The following UVRAG variants were observed in gnomAD, a reference collection of about 807,000 sequenced individuals.
UVRAG encodes UV radiation resistance-associated gene protein.
UVRAG carries 19 observed loss-of-function variants against 78.0 expected under a neutral mutation model. The observed-to-expected ratio is 0.24, with a 90% CI of 0.17 to 0.36. The LOEUF (loss-of-function observed/expected upper bound fraction) is 0.36, where lower values mean the gene tolerates loss of function less well. UVRAG is among the 10% of genes least tolerant of loss of function. UVRAG has a pLI of 1.00. For missense variants in UVRAG, 740 were observed against 853.8 expected (o/e 0.87, Z 1.66); for synonymous variants, 323 against 324.6 (o/e 1.00, Z 0.05).
intron 13 of UVRAG, among the ~76,000 whole-genome samples, chr11:76,104,330 A>C (rs928029494): frequency 6.6e-6 from 1 of 152,176 alleles, no homozygotes; most frequent in Non-Finnish European, 1.5e-5. Context: ...TACGAGTTCA[A>C]AGTGCTAGGA....
intron 12 of UVRAG, among the ~76,000 whole-genome samples, chr11:76,017,264 T>C (rs1218185059): frequency 6.6e-6 from 1 of 152,156 alleles, no homozygotes; most frequent in Non-Finnish European, 1.5e-5. Flanking sequence ...TGTCATATGA[T>C]CTACAAATAT....
At chr11:75,889,252 T>C (rs2134930896) in intron 5 of UVRAG, among the ~76,000 whole-genome samples, 1 of 152,348 alleles carries the variant, frequency 6.6e-6, no homozygotes, top group African/African-American at 2.4e-5. Flanking sequence ...TTTTATAACT[T>C]TCAATACATT....
chr11:76,115,879 A>G lies in UVRAG; in HGVS notation c.1306-45A>G, dbSNP rs537487451. 5.7e-6 allele frequency: 9 copies of G among 1,586,768 alleles called. No individual in the cohort carries two copies. In the African/African-American group the frequency reaches 1.1e-4, roughly 19 times the overall value. On this transcript the variant is annotated intron_variant, in intron 13 of 14. Transcript: ENST00000356136. Reference sequence around the variant, plus strand: ...TTAGTGGTTCATTTTTCCGAAGCTTATAATCTGCCAAAATATCTTTAATTC... The same window carrying G: ...TTAGTGGTTCATTTTTCCGAAGCTTGTAATCTGCCAAAATATCTTTAATTC...
At chr11:75,890,446 A>T (rs949973688) in intron 5 of UVRAG, among the ~76,000 whole-genome samples, 5 of 152,220 alleles carry the variant, frequency 3.3e-5, no homozygotes, top group African/African-American at 1.2e-4. Context: ...AGGCATAAGA[A>T]AAAGGAGGTG....
intron 12 of UVRAG, among the ~76,000 whole-genome samples, chr11:76,031,080 T>G (rs1950428965): frequency 6.6e-6 from 1 of 152,114 alleles, no homozygotes; most frequent in African/African-American, 2.4e-5. Flanking sequence ...TTTTTGCAAA[T>G]TCTATTAGGT....
chr11:76,037,428 C>T (rs962552390), intron 12 of UVRAG, among the ~76,000 whole-genome samples: 2 of 151,506 alleles, frequency 1.3e-5, no homozygotes, highest in Non-Finnish European at 2.9e-5. Flanking sequence ...CTCAGCAGGG[C>T]GCAGTGGCTC....
chr11:75,892,382 T>A (rs1947230503), intron 5 of UVRAG: 1 of 985,334 alleles, frequency 1.0e-6, no homozygotes, highest in African/African-American at 1.7e-5. Flanking sequence ...TGTGGGAACA[T>A]GGGAATGCAG....
intron 13 of UVRAG, among the ~76,000 whole-genome samples, chr11:76,088,519 A>G (rs1391033701): frequency 6.9e-6 from 1 of 144,440 alleles, no homozygotes; most frequent in Non-Finnish European, 1.5e-5. Flanking sequence ...TTGCAACAAG[A>G]CTCTTTTGCA....
At chr11:76,133,770 G>T (rs773785667) in intron 14 of UVRAG, among the ~76,000 whole-genome samples, 6 of 151,902 alleles carry the variant, frequency 3.9e-5, no homozygotes, top group Non-Finnish European at 5.9e-5. Context: ...TAAGCAGTAG[G>T]TAGATCATGA....
chr11:75,901,147 C>T (rs78533744), intron 5 of UVRAG, among the ~76,000 whole-genome samples: 12 of 152,278 alleles, frequency 7.9e-5, no homozygotes, highest in Non-Finnish European at 1.6e-4. Context: ...ACATATACAC[C>T]TAGGAACACA....
chr11:76,032,997 A>C (rs1489492131), intron 12 of UVRAG, among the ~76,000 whole-genome samples: 2 of 152,238 alleles, frequency 1.3e-5, no homozygotes, highest in Non-Finnish European at 2.9e-5. Context: ...CAAAGGATAG[A>C]AACCTATCTA....
At chr11:76,036,866 A>G (rs960036430) in intron 12 of UVRAG, among the ~76,000 whole-genome samples, 48 of 152,294 alleles carry the variant, frequency 3.2e-4, no homozygotes, top group African/African-American at 1.1e-3. Context: ...AGAAAAAAAT[A>G]TAAAATAACA....
intron 12 of UVRAG, among the ~76,000 whole-genome samples, chr11:76,035,973 A>G (rs907321875): frequency 1.3e-4 from 20 of 152,318 alleles, no homozygotes; most frequent in African/African-American, 3.8e-4. Flanking sequence ...AAGAAGTACA[A>G]TCTGATTTTA....
At chr11:75,903,284 T>C (rs1209550617) in intron 5 of UVRAG, among the ~76,000 whole-genome samples, 3 of 152,212 alleles carry the variant, frequency 2.0e-5, no homozygotes, top group Admixed American at 6.5e-5. Flanking sequence ...AATGTAGCTC[T>C]GATTATAACC....
chr11:75,825,031 A>G (rs1186786211), intron 1 of UVRAG, among the ~76,000 whole-genome samples: 1 of 152,134 alleles, frequency 6.6e-6, no homozygotes, highest in African/African-American at 2.4e-5. Flanking sequence ...GGTGTTTTAG[A>G]AAAAGACATC....
chr11:76,053,554 C>T (rs942366294), intron 12 of UVRAG, among the ~76,000 whole-genome samples: 1 of 152,172 alleles, frequency 6.6e-6, no homozygotes, highest in African/African-American at 2.4e-5. Flanking sequence ...GGAACCCTAA[C>T]CAAAACTGTT....
At chr11:76,074,790 C>G (rs1156471191) in intron 13 of UVRAG, among the ~76,000 whole-genome samples, 2 of 152,182 alleles carry the variant, frequency 1.3e-5, no homozygotes, top group Non-Finnish European at 2.9e-5. Context: ...AGACAATTAT[C>G]TGCATTTTAC....
At position 76,082,784 on chromosome 11, in the gene UVRAG, C is replaced by CT. The variant is rs370668063; in HGVS notation, c.1305+16999dup. Among the ~76,000 whole-genome samples the CT allele has an allele frequency of 3.7e-3, 558 of 152,238 alleles. 2 individuals are homozygous for CT. The highest frequency in any genetic ancestry group is 0.012 in the African/African-American group (518 of 41,530). On this transcript the variant is annotated intron_variant, in intron 13 of 14. Coordinates refer to ENST00000356136, the MANE Select transcript of UVRAG (RefSeq NM_003369.4). ...GTGGCTCATGCTTGTAATCCTAGCA[C>CT]TTTGGGAGACCGAGGCAGATGGATC...
chr11:76,136,569 T>G (rs2134509868), intron 14 of UVRAG, among the ~76,000 whole-genome samples: 1 of 151,232 alleles, frequency 6.6e-6, no homozygotes, highest in African/African-American at 2.4e-5. Flanking sequence ...AGTGCAGTGG[T>G]ATGATCACAG....
Sources: gnomAD v4.1 joint callset for allele counts (sites outside exome capture counted in the v4.1 genomes callset) on GRCh38, gnomAD v4.1.1 for gene constraint, MANE v1.5 for transcripts, NCBI Gene and HGNC (gene_info 2026-07-23, HGNC 2026-07-21) for gene names.